Variants in ERG observed in about 807,000 individuals in gnomAD.
ERG encodes transcriptional regulator ERG.
A neutral mutation model predicts 55.3 loss-of-function variants in ERG; 9 were observed. The observed-to-expected ratio is 0.16, with a 90% CI of 0.10 to 0.28. The LOEUF (loss-of-function observed/expected upper bound fraction) is 0.28, where lower values mean the gene tolerates loss of function less well. Ranked by LOEUF, ERG falls within the 10% of genes least tolerant of loss-of-function variation. The pLI is 1.00. For missense variants in ERG, 434 were observed against 631.6 expected (o/e 0.69, Z 3.35); for synonymous variants, 223 against 237.3 (o/e 0.94, Z 0.55).
intron 2 of ERG, among the ~76,000 whole-genome samples, chr21:38,555,119 G>A (rs2059849935): frequency 6.6e-6 from 1 of 152,110 alleles, no homozygotes; most frequent in Non-Finnish European, 1.5e-5. Flanking sequence ...CTGAGGTCAG[G>A]AGTTTGAGAC....
intron 1 of ERG, among the ~76,000 whole-genome samples, chr21:38,607,328 A>G (rs2060202012): frequency 6.6e-6 from 1 of 152,200 alleles, no homozygotes. Context: ...GAAAGGAAAA[A>G]AATGAAATTC....
chr21:38,411,868 C>T (rs1989072178), intron 3 of ERG, among the ~76,000 whole-genome samples: 1 of 152,130 alleles, frequency 6.6e-6, no homozygotes, highest in Admixed American at 6.6e-5. Flanking sequence ...TATTTCAAGG[C>T]TATGTTATTA....
rs2146502910 is a variant in ERG at position 38,423,472 on chromosome 21, T to A, written c.326A>T (p.Glu109Val). The A allele has an allele frequency of 6.2e-7, 1 of 1,614,126 alleles. No homozygotes were observed. The highest frequency in any genetic ancestry group is 2.2e-5 in the East Asian group (1 of 44,862). ...TVGMNYGSYM[E>V]EKHMPPPNMT... ...GTTTGGGGGTGGCATGTGCTTCTCC[T>A]CCATGTAGCTGCCGTAGTTCATCCC... The change falls in exon 3 of 10, where the codon GAG (glutamate) becomes GTG (valine). Residue 109 changes from glutamate to valine, a missense_variant. Glu to Val is a moderately radical substitution (Grantham distance 121, BLOSUM62 -2). Around this residue, in one of 5 missense-constraint regions of ERG, gnomAD observed 212 missense variants for 262.9 expected, o/e 0.81. Coordinates refer to ENST00000288319, the MANE Select transcript of ERG (RefSeq NM_182918.4).
At chr21:38,545,446 C>G (rs1039173327) in intron 2 of ERG, among the ~76,000 whole-genome samples, 1 of 152,172 alleles carries the variant, frequency 6.6e-6, no homozygotes, top group African/African-American at 2.4e-5. Context: ...GCCCCTGAGA[C>G]AGACACTGCC....
At chr21:38,385,157 T>A (rs1353103633) in intron 9 of ERG, among the ~76,000 whole-genome samples, 1 of 152,252 alleles carries the variant, frequency 6.6e-6, no homozygotes, top group African/African-American at 2.4e-5. Flanking sequence ...CTAGCTGCTA[T>A]GTTACAATAC....
intron 2 of ERG, among the ~76,000 whole-genome samples, chr21:38,506,140 G>C (rs935646260): frequency 1.4e-4 from 21 of 152,062 alleles, no homozygotes; most frequent in Admixed American, 2.6e-4. Context: ...ATCTGGGGGG[G>C]TGAGATTTGT....
chr21:38,377,744 A>G (rs375719990), downstream of ERG, among the ~76,000 whole-genome samples: 16 of 152,180 alleles, frequency 1.1e-4, no homozygotes, highest in African/African-American at 2.6e-4. Flanking sequence ...GGCTCCTGGC[A>G]TCCCACGACG....
At chr21:38,404,273 C>T (rs1296678033) in intron 3 of ERG, among the ~76,000 whole-genome samples, 5 of 152,192 alleles carry the variant, frequency 3.3e-5, no homozygotes, top group South Asian at 4.1e-4. Context: ...TATGAGCCAG[C>T]GTTCCTCATA....
intron 2 of ERG, among the ~76,000 whole-genome samples, chr21:38,443,687 C>A (rs919924347): frequency 6.6e-6 from 1 of 151,918 alleles, no homozygotes; most frequent in Non-Finnish European, 1.5e-5. Context: ...TCATTAATTT[C>A]CCACAACTTT....
chr21:38,504,453 C>T lies in ERG; in HGVS notation c.-41+71209G>A, dbSNP rs1241971337. On this transcript the variant is annotated intron_variant, in intron 2 of 8. Transcript: ENST00000398897. ...ATTATCTGTGGTTTTAAGAAAGAAACCTAAGAGGAGAGTAATTATTTTGTC... is the reference window on the plus strand; with the variant it reads ...ATTATCTGTGGTTTTAAGAAAGAAATCTAAGAGGAGAGTAATTATTTTGTC... 3.9e-5 allele frequency among the ~76,000 whole-genome samples: 6 copies of T among 152,246 alleles called. No individual in the cohort carries two copies. In the South Asian group the frequency reaches 1.0e-3, roughly 26 times the overall value.
intron 1 of ERG, among the ~76,000 whole-genome samples, chr21:38,606,121 GTAGA>G (rs374274702): frequency 6.4e-4 from 98 of 152,196 alleles, no homozygotes; most frequent in African/African-American, 1.5e-3. Flanking sequence ...AGGTAGATAG[GTAGA>G]TAGATAGATA....
At chr21:38,461,742 T>C (rs1165019341) in intron 1 of ERG, among the ~76,000 whole-genome samples, 2 of 152,258 alleles carry the variant, frequency 1.3e-5, no homozygotes, top group Non-Finnish European at 2.9e-5. Context: ...AACATTTTCT[T>C]GGAAAATAGA....
At chr21:38,612,501 A>T (rs1283531557) in intron 1 of ERG, among the ~76,000 whole-genome samples, 2 of 152,192 alleles carry the variant, frequency 1.3e-5, no homozygotes, top group Non-Finnish European at 2.9e-5. Context: ...TATCAAGAGC[A>T]TCTGTACATA....
rs147914655 is a variant in ERG, at chr21:38,485,853, C to T, written c.18+12510G>A. Among the ~76,000 whole-genome samples, 794 of 152,162 alleles carry T rather than the reference C, an allele frequency of 5.2e-3. 5 individuals carry two copies. The highest frequency in any genetic ancestry group is 0.014 in the Middle Eastern group (4 of 294). On this transcript the variant is annotated intron_variant, in intron 1 of 9. Transcript: ENST00000288319. ...ACTGATTCACCCAGATCCACAGCCACTTTCCATCCTGCAAGCTCCATTCAT... is the reference window on the plus strand; with the variant it reads ...ACTGATTCACCCAGATCCACAGCCATTTTCCATCCTGCAAGCTCCATTCAT...
chr21:38,577,785 C>T (rs2060003825), intron 1 of ERG, among the ~76,000 whole-genome samples: 1 of 152,230 alleles, frequency 6.6e-6, no homozygotes, highest in Non-Finnish European at 1.5e-5. Flanking sequence ...GAGCACATGG[C>T]TATTTCCGTA....
chr21:38,573,326 T>G (rs982813424), intron 2 of ERG, among the ~76,000 whole-genome samples: 2 of 152,218 alleles, frequency 1.3e-5, no homozygotes, highest in African/African-American at 2.4e-5. Flanking sequence ...TGAGGTGGAT[T>G]AGTAAAAGAG....
chr21:38,602,316 G>A (rs1313779226), intron 1 of ERG, among the ~76,000 whole-genome samples: 1 of 151,776 alleles, frequency 6.6e-6, no homozygotes, highest in Non-Finnish European at 1.5e-5. Context: ...ATGGCGATGG[G>A]TGCCTGTAGT....
chr21:38,561,107 C>T (rs115343953), intron 2 of ERG, among the ~76,000 whole-genome samples: 1,881 of 151,420 alleles, frequency 0.012, 46 homozygotes, highest in African/African-American at 0.043. Flanking sequence ...TTATGTTGTT[C>T]GTTTGTTTTT....
At chr21:38,611,805 G>C (rs2060228959) in intron 1 of ERG, among the ~76,000 whole-genome samples, 1 of 152,168 alleles carries the variant, frequency 6.6e-6, no homozygotes, top group African/African-American at 2.4e-5. Context: ...CAGGACAGGG[G>C]TGGGCACGGA....
Sources: gnomAD v4.1 joint callset for allele counts (sites outside exome capture counted in the v4.1 genomes callset) on GRCh38, gnomAD v4.1.1 for gene constraint, gnomAD v4.1.1 regional missense constraint, MANE v1.5 for transcripts, NCBI Gene and HGNC (gene_info 2026-07-23, HGNC 2026-07-21) for gene names.